HMBOX1: variants seen among roughly 807,000 people sequenced by gnomAD.
HMBOX1 encodes homeobox containing 1.
In HMBOX1, 14 loss-of-function variants were observed where a neutral mutation model predicts 54.5. The observed-to-expected ratio is 0.26, with a 90% CI of 0.17 to 0.40. The LOEUF (loss-of-function observed/expected upper bound fraction) is 0.40, where lower values mean the gene tolerates loss of function less well. Ranked by LOEUF, HMBOX1 falls within the 10% of genes least tolerant of loss-of-function variation. The pLI is 1.00. For synonymous variants in HMBOX1, 160 were observed against 181.0 expected (o/e 0.88, Z 0.93); for missense variants, 332 against 514.4 (o/e 0.65, Z 3.43).
chr8:29,049,497 C>T (rs1806119118), intron 9 of HMBOX1: 1 of 1,444,956 alleles, frequency 6.9e-7, no homozygotes, highest in Non-Finnish European at 9.1e-7. Context: ...GATGGAAGGC[C>T]CCACTCACTC....
chr8:29,015,213 T>G (rs1834824358), intron 5 of HMBOX1, among the ~76,000 whole-genome samples: 1 of 152,176 alleles, frequency 6.6e-6, no homozygotes, highest in Non-Finnish European at 1.5e-5. Flanking sequence ...CTTCAACCTC[T>G]TGGTTAGGAT....
chr8:28,931,685 G>T (rs1260216130), intron 1 of HMBOX1, among the ~76,000 whole-genome samples: 1 of 152,028 alleles, frequency 6.6e-6, no homozygotes, highest in Non-Finnish European at 1.5e-5. Context: ...GGGACCACAG[G>T]AGTGTACCAC....
chr8:29,016,261 TAAG>T (rs1178464595), intron 5 of HMBOX1, among the ~76,000 whole-genome samples: 7 of 152,056 alleles, frequency 4.6e-5, no homozygotes, highest in African/African-American at 1.4e-4. Flanking sequence ...TCTGCACCCA[TAAG>T]AAGAATAACC....
chr8:29,035,385 C>T (rs944096736), intron 6 of HMBOX1, among the ~76,000 whole-genome samples: 7 of 152,160 alleles, frequency 4.6e-5, no homozygotes, highest in African/African-American at 1.7e-4. Context: ...GTCTCCCTGC[C>T]TTGGGACACC....
chr8:29,026,635 A>G (rs941811868), intron 6 of HMBOX1, among the ~76,000 whole-genome samples: 4 of 152,136 alleles, frequency 2.6e-5, no homozygotes, highest in African/African-American at 4.8e-5. Flanking sequence ...TCCTTTTTCT[A>G]ATGAGGCAGT....
intron 1 of HMBOX1, among the ~76,000 whole-genome samples, chr8:28,956,676 C>T (rs1382590482): frequency 3.3e-5 from 5 of 152,010 alleles, no homozygotes; most frequent in Admixed American, 6.6e-5. Context: ...TTTGTGTGTG[C>T]GTTTCTATGC....
chr8:28,927,586 C>T (rs1411894772), intron 1 of HMBOX1, among the ~76,000 whole-genome samples: 1 of 151,970 alleles, frequency 6.6e-6, no homozygotes, highest in East Asian at 1.9e-4. Context: ...CACTCACTCC[C>T]TTGAGAATAA....
At chr8:28,908,017 T>C (rs1422175506) in intron 1 of HMBOX1, among the ~76,000 whole-genome samples, 1 of 152,044 alleles carries the variant, frequency 6.6e-6, no homozygotes, top group East Asian at 1.9e-4. Flanking sequence ...TTTGTATGGC[T>C]AGTTTTTGTA....
intron 6 of HMBOX1, among the ~76,000 whole-genome samples, chr8:29,033,535 G>T (rs1469951746): frequency 2.0e-5 from 3 of 152,146 alleles, no homozygotes; most frequent in African/African-American, 7.2e-5. Flanking sequence ...GTGCTTAAAT[G>T]TATTTTAAAA....
intron 5 of HMBOX1, among the ~76,000 whole-genome samples, chr8:29,017,731 G>A (rs1835244595): frequency 6.6e-6 from 1 of 152,104 alleles, no homozygotes; most frequent in African/African-American, 2.4e-5. Context: ...CTGTGTAAGA[G>A]AATACATCTA....
intron 4 of HMBOX1, among the ~76,000 whole-genome samples, chr8:28,989,285 A>G (rs913362302): frequency 6.6e-5 from 10 of 152,188 alleles, no homozygotes; most frequent in Non-Finnish European, 1.3e-4. Flanking sequence ...AAAAAAAAAA[A>G]AAGAAAATTT....
chr8:28,963,578 C>CT (rs1466531272), intron 1 of HMBOX1, among the ~76,000 whole-genome samples: 1 of 152,164 alleles, frequency 6.6e-6, no homozygotes, highest in East Asian at 1.9e-4. Flanking sequence ...TCTTCATGAT[C>CT]TTTAGCTTCT....
chr8:28,957,171 C>T (rs1824611099), intron 1 of HMBOX1, among the ~76,000 whole-genome samples: 1 of 152,170 alleles, frequency 6.6e-6, no homozygotes, highest in Non-Finnish European at 1.5e-5. Flanking sequence ...GCGTAGGTCC[C>T]TATCAACAGT....
At chr8:28,939,573 T>A (rs990976906) in intron 1 of HMBOX1, among the ~76,000 whole-genome samples, 3 of 151,932 alleles carry the variant, frequency 2.0e-5, no homozygotes, top group Non-Finnish European at 4.4e-5. Flanking sequence ...AGTGGTGCCA[T>A]CTCGGCTCAC....
intron 3 of HMBOX1, among the ~76,000 whole-genome samples, chr8:28,978,967 T>C (rs1828897847): frequency 6.6e-6 from 1 of 152,174 alleles, no homozygotes; most frequent in South Asian, 2.1e-4. Flanking sequence ...AATATTTTGC[T>C]TAGTATGTGT....
At chr8:28,996,215 G>A (rs1310436842) in intron 4 of HMBOX1, among the ~76,000 whole-genome samples, 4 of 152,038 alleles carry the variant, frequency 2.6e-5, no homozygotes, top group African/African-American at 4.8e-5. Context: ...TTGAAGTGTT[G>A]AGTTCTTTAT....
At chr8:29,039,504 TAACTG>T (rs1804499854) in intron 6 of HMBOX1, among the ~76,000 whole-genome samples, 1 of 152,204 alleles carries the variant, frequency 6.6e-6, no homozygotes, top group Non-Finnish European at 1.5e-5. Flanking sequence ...CCAAAAGTCT[TAACTG>T]AAACCACTGT....
At chr8:28,977,043 G>A (rs961343117) in intron 3 of HMBOX1, among the ~76,000 whole-genome samples, 1 of 152,102 alleles carries the variant, frequency 6.6e-6, no homozygotes, top group Admixed American at 6.5e-5. Context: ...GGTACTTAGA[G>A]ACTTGTCAAA....
intron 4 of HMBOX1, among the ~76,000 whole-genome samples, chr8:29,001,523 C>T (rs986044358): frequency 6.6e-6 from 1 of 151,712 alleles, no homozygotes; most frequent in Non-Finnish European, 1.5e-5. Flanking sequence ...GCGCTTCAGC[C>T]TCGGTAATAG....
Sources: allele counts gnomAD v4.1 joint callset (sites outside exome capture counted in the v4.1 genomes callset), GRCh38; gene constraint gnomAD v4.1.1; transcripts MANE v1.5; gene names NCBI Gene and HGNC (gene_info 2026-07-23, HGNC 2026-07-21).